Variants in UBE2E2 observed in about 807,000 individuals in gnomAD.
UBE2E2 encodes ubiquitin-conjugating enzyme E2 E2.
Under a neutral mutation model 24.7 loss-of-function variants are expected in UBE2E2, and 6 were observed. That is an observed-to-expected ratio of 0.24 (90% CI 0.13 to 0.48). UBE2E2 has a LOEUF of 0.48. Ranked by LOEUF, UBE2E2 falls within the 20% of genes least tolerant of loss-of-function variation. UBE2E2 has a pLI of 0.99. For synonymous variants in UBE2E2, 104 were observed against 83.6 expected (o/e 1.24, Z -1.33); for missense variants, 169 against 245.0 (o/e 0.69, Z 2.07).
At chr3:23,376,723 G>T (rs1004780718) in intron 3 of UBE2E2, among the ~76,000 whole-genome samples, 1 of 152,222 alleles carries the variant, frequency 6.6e-6, no homozygotes, top group South Asian at 2.1e-4. Flanking sequence ...ATGTTGCCCT[G>T]TGGCAATGTC....
chr3:23,204,591 T>A (rs1488479134), intron 1 of UBE2E2: 2 of 710,920 alleles, frequency 2.8e-6, no homozygotes, highest in African/African-American at 1.9e-5. Context: ...TACGGCAATT[T>A]GGATGCTCCT....
At chr3:23,295,889 G>A (rs1379974508) in intron 3 of UBE2E2, among the ~76,000 whole-genome samples, 1 of 152,180 alleles carries the variant, frequency 6.6e-6, no homozygotes, top group Non-Finnish European at 1.5e-5. Context: ...GATTGGAGCA[G>A]ATGTCCCCCA....
intron 4 of UBE2E2, among the ~76,000 whole-genome samples, chr3:23,512,647 T>A (rs1694628675): frequency 6.6e-6 from 1 of 152,114 alleles, no homozygotes; most frequent in Non-Finnish European, 1.5e-5. Flanking sequence ...CTTACCAAGT[T>A]GTATATCTGT....
At chr3:23,330,376 A>C (rs1248843812) in intron 3 of UBE2E2, among the ~76,000 whole-genome samples, 2 of 152,264 alleles carry the variant, frequency 1.3e-5, no homozygotes, top group African/African-American at 4.8e-5. Context: ...GTAAACATTG[A>C]AAAATAAAGA....
intron 3 of UBE2E2, among the ~76,000 whole-genome samples, chr3:23,477,336 C>G (rs1243638696): frequency 6.6e-6 from 1 of 152,104 alleles, no homozygotes; most frequent in Non-Finnish European, 1.5e-5. Flanking sequence ...AAAGTAATAG[C>G]TAAATGTGTA....
At chr3:23,516,984 A>G (rs1446361629) in intron 4 of UBE2E2, among the ~76,000 whole-genome samples, 1 of 152,108 alleles carries the variant, frequency 6.6e-6, no homozygotes, top group South Asian at 2.1e-4. Flanking sequence ...CTTTAATACC[A>G]CTAGATAATT....
intron 3 of UBE2E2, among the ~76,000 whole-genome samples, chr3:23,483,166 G>C (rs549961444): frequency 1.3e-5 from 2 of 152,310 alleles, no homozygotes; most frequent in East Asian, 1.9e-4. Flanking sequence ...CTTGCTGTCA[G>C]AGTGTTGCAT....
At chr3:23,443,569 A>C (rs982251015) in intron 3 of UBE2E2, among the ~76,000 whole-genome samples, 10 of 152,162 alleles carry the variant, frequency 6.6e-5, no homozygotes, top group African/African-American at 2.4e-4. Context: ...TAATTCCTCC[A>C]TGGGGGTATG....
At chr3:23,396,064 A>T (rs1010338126) in intron 3 of UBE2E2, among the ~76,000 whole-genome samples, 36 of 151,964 alleles carry the variant, frequency 2.4e-4, no homozygotes, top group African/African-American at 8.5e-4. Context: ...ATTGAAGAAT[A>T]GTTCTTTTGA....
intron 3 of UBE2E2, among the ~76,000 whole-genome samples, chr3:23,436,837 C>T (rs1459432976): frequency 6.6e-6 from 1 of 152,192 alleles, no homozygotes; most frequent in Non-Finnish European, 1.5e-5. Flanking sequence ...TTCAGCCACT[C>T]CTGCATGCAG....
chr3:23,417,855 G>C (rs1697680387), intron 3 of UBE2E2, among the ~76,000 whole-genome samples: 1 of 152,186 alleles, frequency 6.6e-6, no homozygotes, highest in Non-Finnish European at 1.5e-5. Context: ...TGTTTACACT[G>C]TGAGGGGAAA....
chr3:23,444,796 G>C lies in UBE2E2; in HGVS notation c.228-54812G>C, dbSNP rs144133106. On this transcript the variant is annotated intron_variant, in intron 3 of 5. Transcript: ENST00000396703. The stretch of plus-strand genomic sequence containing the variant: ...TGGATTCTAAGGGGATGTGCCCATT[G>C]TCATACTTCTTTAGTTATAAGATGG... 1.9e-3 allele frequency among the ~76,000 whole-genome samples: 291 copies of C among 152,300 alleles called. 1 individual carries two copies. The highest frequency in any genetic ancestry group is 3.1e-3 in the Non-Finnish European group (210 of 68,030).
At chr3:23,523,754 G>T (rs1472433955) in intron 4 of UBE2E2, among the ~76,000 whole-genome samples, 1 of 151,748 alleles carries the variant, frequency 6.6e-6, no homozygotes, top group Non-Finnish European at 1.5e-5. Context: ...ATTTTAGGGT[G>T]TATGTTAGTT....
At chr3:23,426,806 C>A (rs1697937898) in intron 3 of UBE2E2, among the ~76,000 whole-genome samples, 1 of 152,078 alleles carries the variant, frequency 6.6e-6, no homozygotes, top group Non-Finnish European at 1.5e-5. Flanking sequence ...AAAGGAAGAA[C>A]ATCACAGAAG....
At chr3:23,544,603 A>C (rs1427611508) in intron 5 of UBE2E2, among the ~76,000 whole-genome samples, 38 of 152,172 alleles carry the variant, frequency 2.5e-4, no homozygotes, top group Non-Finnish European at 1.5e-4. Context: ...GCTGGTGGGA[A>C]TGTAAATTAG....
At chr3:23,568,586 T>C (rs1696136575) in intron 5 of UBE2E2, among the ~76,000 whole-genome samples, 1 of 115,618 alleles carries the variant, frequency 8.6e-6, no homozygotes, top group Non-Finnish European at 1.7e-5. Flanking sequence ...TATATATAAT[T>C]ATATACATAT....
chr3:23,255,574 C>T (rs1697699636), intron 3 of UBE2E2, among the ~76,000 whole-genome samples: 1 of 151,888 alleles, frequency 6.6e-6, no homozygotes, highest in African/African-American at 2.4e-5. Flanking sequence ...GTTGTAGAGT[C>T]AAAGTAGAGA....
chr3:23,265,759 C>A (rs529243717), intron 3 of UBE2E2, among the ~76,000 whole-genome samples: 4 of 152,242 alleles, frequency 2.6e-5, no homozygotes, highest in Non-Finnish European at 5.9e-5. Context: ...TAAAGTCTCC[C>A]ATTGTTATTG....
intron 3 of UBE2E2, among the ~76,000 whole-genome samples, chr3:23,443,850 G>A (rs1273650089): frequency 6.6e-6 from 1 of 152,106 alleles, no homozygotes; most frequent in Non-Finnish European, 1.5e-5. Context: ...CCATTTTTGT[G>A]AGAATAAGAT....
Sources: allele counts gnomAD v4.1 joint callset (sites outside exome capture counted in the v4.1 genomes callset), GRCh38; gene constraint gnomAD v4.1.1; transcripts MANE v1.5; gene names NCBI Gene and HGNC (gene_info 2026-07-23, HGNC 2026-07-21).